Variants in TMED5 observed in about 807,000 individuals in gnomAD.
The protein encoded by TMED5 is transmembrane emp24 domain-containing protein 5.
In TMED5, 27 loss-of-function variants were observed where a neutral mutation model predicts 23.0. That is an observed-to-expected ratio of 1.17 (90% CI 0.86 to 1.62). The LOEUF (loss-of-function observed/expected upper bound fraction) is 1.62. Ranked by LOEUF, TMED5 falls within the 40% of genes most tolerant of loss-of-function variation. The probability of loss-of-function intolerance (pLI) is 0.00; values close to 1 mark genes in which losing one functional copy is unlikely to be tolerated. For missense variants in TMED5, 248 were observed against 273.7 expected (o/e 0.91, Z 0.66); for synonymous variants, 97 against 100.8 (o/e 0.96, Z 0.23).
rs1647901040 is a variant in TMED5 at position 93,152,113 on chromosome 1, A to G, written c.*2557T>C. The G allele has an allele frequency of 6.6e-6, 1 of 152,628 alleles. No individual in the cohort carries two copies. 9.5% of individuals were successfully genotyped at this position (152,628 alleles called of 1,614,324 possible). On this transcript the variant is annotated 3_prime_UTR_variant, in exon 4 of 4. Transcript: ENST00000370282. ...GTGTAAGAAGGATTAATTTTACCAT[A>G]AAATTACAAACACCCTCCATGTCTT...
At chr1:93,176,642 T>A (rs1467677969) in intron 1 of TMED5, among the ~76,000 whole-genome samples, 1 of 152,094 alleles carries the variant, frequency 6.6e-6, no homozygotes, top group Non-Finnish European at 1.5e-5. Flanking sequence ...CAAGTGATCC[T>A]CCCACCTCAG....
At chr1:93,169,761 A>G (rs1648640871) in intron 1 of TMED5, among the ~76,000 whole-genome samples, 1 of 152,122 alleles carries the variant, frequency 6.6e-6, no homozygotes, top group Non-Finnish European at 1.5e-5. Flanking sequence ...TAAAAAGATA[A>G]TAATGGCCAG....
Position 93,180,162 on chromosome 1 carries a change from G to A in TMED5, c.81C>T (p.Gly27=), listed in dbSNP as rs1320889150. 4 of 1,613,280 alleles carry A rather than the reference G, an allele frequency of 2.5e-6. No homozygotes were observed. The highest frequency in any genetic ancestry group is 2.5e-6 in the Non-Finnish European group (3 of 1,179,710). ...LPPVLLPGAA[G]FTPSLDSDFT... ...AGTCGCTATCGAGGGAAGGTGTGAA[G>A]CCGGCCGCCCCAGGCAGCAGCACCG... Residue 27 remains glycine (G), a synonymous_variant, in exon 1 of 4, where the codon GGC becomes GGT. Transcript: ENST00000370282.
chr1:93,170,080 A>C (rs1440229083), intron 1 of TMED5, among the ~76,000 whole-genome samples: 1 of 152,142 alleles, frequency 6.6e-6, no homozygotes, highest in Admixed American at 6.5e-5. Context: ...AATATAAATA[A>C]AAGGATAATA....
In TMED5 at chr1:93,151,475, G is replaced by A. The variant is rs1279077394; in HGVS notation, c.*3195C>T. 6.6e-6 allele frequency: 1 copy of A among 152,174 alleles called. No individual in the cohort carries two copies. Among genetic ancestry groups the A allele is most frequent in the Non-Finnish European group, 1.5e-5 (1 of 68,036 alleles). 9.4% of individuals were successfully genotyped at this position (152,174 alleles called of 1,614,324 possible). A position where few individuals can be genotyped will look rare whatever the true frequency, so the allele number is the denominator to read the frequency against. ...GCAAATGATCCAAGGATAACTGACA[G>A]GATTCTATATTGTGTTGGTTGAAAA... On this transcript the variant is annotated 3_prime_UTR_variant, in exon 4 of 4. Coordinates refer to ENST00000370282, the MANE Select transcript of TMED5 (RefSeq NM_016040.5).
intron 3 of TMED5, 83 bp from the exon 4 acceptor site, chr1:93,154,971 C>CTCA: frequency 9.9e-7 from 1 of 1,007,186 alleles, no homozygotes; most frequent in Non-Finnish European, 1.5e-6. Context: ...GGTGCAGTGA[C>CTCA]TCATGCCTTG....
Position 93,151,896 on chromosome 1 carries a change from G to A in TMED5, c.*2774C>T, listed in dbSNP as rs552626348. The A allele has an allele frequency of 3.9e-5, 6 of 152,266 alleles. No individual in the cohort carries two copies. Among genetic ancestry groups the A allele is most frequent in the South Asian group, 4.1e-4 (2 of 4,826 alleles). The allele number at this position is 152,266 out of a possible 1,614,324, so 9.4% of individuals were successfully genotyped here. Reference sequence around the variant, plus strand: ...ATATACATATCAGTACTCACAATACGTTGCTTATTTAAGATGGCTGTTTAT... The same window carrying A: ...ATATACATATCAGTACTCACAATACATTGCTTATTTAAGATGGCTGTTTAT... On this transcript the variant is annotated 3_prime_UTR_variant, in exon 4 of 4. Coordinates refer to ENST00000370282, the MANE Select transcript of TMED5 (RefSeq NM_016040.5).
Position 93,154,687 on chromosome 1 carries a change from T to C in TMED5, c.673A>G (p.Arg225Gly). 6.2e-7 allele frequency: 1 copy of C among 1,613,332 alleles called. No homozygotes were observed. The highest frequency in any genetic ancestry group is 8.5e-7 in the Non-Finnish European group (1 of 1,179,858). The change falls in exon 4 of 4, where the codon AGG (arginine) becomes GGG (glycine). Residue 225 changes from arginine to glycine, a missense_variant. Physicochemically the swap from Arg to Gly is moderately radical, Grantham distance 125. Coordinates refer to ENST00000370282, the MANE Select transcript of TMED5 (RefSeq NM_016040.5). ...YMLKSLFEDK[R>G]KSRT The stretch of plus-strand genomic sequence containing the variant: ...TTGGAGTTTTAAGTTCTACTTTTCC[T>C]CTTATCTTCAAACAGACTCTTCAGC...
At chr1:93,158,334 T>C (rs1276176316) in intron 2 of TMED5, among the ~76,000 whole-genome samples, 1 of 152,142 alleles carries the variant, frequency 6.6e-6, no homozygotes, top group Non-Finnish European at 1.5e-5. Context: ...TGAAAAGTGC[T>C]GAGAACACTG....
chr1:93,172,307 G>T (rs924468649), intron 1 of TMED5, among the ~76,000 whole-genome samples: 2 of 151,672 alleles, frequency 1.3e-5, no homozygotes, highest in Non-Finnish European at 2.9e-5. Flanking sequence ...AAATCCTAAA[G>T]AACTGCCAAA....
intron 1 of TMED5, among the ~76,000 whole-genome samples, chr1:93,164,914 T>C (rs949682434): frequency 2.0e-5 from 3 of 152,254 alleles, no homozygotes; most frequent in Non-Finnish European, 2.9e-5. Flanking sequence ...TCTTGCTAGC[T>C]TGTCCTCTCT....
In TMED5 at chr1:93,150,942, AAAC is replaced by A. The variant is rs1433931728; in HGVS notation, c.*3725_*3727del. ...TCTAAGCTTGTTAAAACAGAAACAA[AAAC>A]AACACAAGTACTAAAACGAGGGTTT... is the stretch of plus-strand genomic sequence containing the variant. On this transcript the variant is annotated 3_prime_UTR_variant, in exon 4 of 4. Coordinates refer to ENST00000370282, the MANE Select transcript of TMED5 (RefSeq NM_016040.5). 2 of 152,208 alleles carry A rather than the reference AAAC, an allele frequency of 1.3e-5. No individual in the cohort carries two copies. The highest frequency in any genetic ancestry group is 4.8e-5 in the African/African-American group (2 of 41,456). The allele number at this position is 152,208 out of a possible 1,614,324, so 9.4% of individuals were successfully genotyped here.
At chr1:93,155,532 GTTTTT>G (rs547977053) in intron 3 of TMED5, among the ~76,000 whole-genome samples, 12,164 of 130,204 alleles carry the variant, frequency 0.093, 1,620 homozygotes, top group African/African-American at 0.32. Flanking sequence ...AATGACTAAG[GTTTTT>G]TTTTTTTTTT....
At chr1:93,156,807 C>CAAAAAAAAAAAAAAAAAAAAAAAAACA (rs10572798) in intron 2 of TMED5, among the ~76,000 whole-genome samples, 2 of 90,480 alleles carry the variant, frequency 2.2e-5, no homozygotes, top group Middle Eastern at 6.0e-3. Flanking sequence ...GATCCTGTCT[C>CAAAAAAAAAAAAAAAAAAAAAAAAACA]AAAAAAAAAA....
chr1:93,161,711 T>C (rs987221519), intron 1 of TMED5: 1 of 152,214 alleles, frequency 6.6e-6, no homozygotes, highest in African/African-American at 2.4e-5. Context: ...TTGGCACTTA[T>C]GAGACGTTCT....
intron 1 of TMED5, among the ~76,000 whole-genome samples, chr1:93,167,699 A>G (rs538634712): frequency 2.1e-4 from 32 of 152,274 alleles, no homozygotes; most frequent in African/African-American, 7.2e-4. Flanking sequence ...TCATTTGCAA[A>G]GAAGGATAAT....
In TMED5 at chr1:93,151,788, CTAAA is replaced by C. The variant is rs1647881696; in HGVS notation, c.*2878_*2881del. ...ACAGGAGGAGAGAGCACATTATTAA[CTAAA>C]TAGAGATGAAGGAAGGCTTTCAGGA... On this transcript the variant is annotated 3_prime_UTR_variant, in exon 4 of 4. Transcript: ENST00000370282. 1.3e-5 allele frequency: 2 copies of C among 151,958 alleles called. No homozygotes were observed. The highest frequency in any genetic ancestry group is 2.4e-5 in the African/African-American group (1 of 41,270). The allele number at this position is 151,958 out of a possible 1,614,324, so 9.4% of individuals were successfully genotyped here. A position where few individuals can be genotyped will look rare whatever the true frequency, so the allele number is the denominator to read the frequency against.
chr1:93,176,512 C>CACACAT (rs1307574573), intron 1 of TMED5, among the ~76,000 whole-genome samples: 1 of 151,646 alleles, frequency 6.6e-6, no homozygotes, highest in African/African-American at 2.4e-5. Flanking sequence ...AGACTATACA[C>CACACAT]ACACACACAC....
At chr1:93,173,031 G>C (rs909723575) in intron 1 of TMED5, among the ~76,000 whole-genome samples, 1 of 152,088 alleles carries the variant, frequency 6.6e-6, no homozygotes, top group African/African-American at 2.4e-5. Flanking sequence ...TAGAACGATG[G>C]TTACCAGAAG....
Sources: gnomAD v4.1 joint callset for allele counts (sites outside exome capture counted in the v4.1 genomes callset) on GRCh38, gnomAD v4.1.1 for gene constraint, MANE v1.5 for transcripts, NCBI Gene and HGNC (gene_info 2026-07-23, HGNC 2026-07-21) for gene names.